The following PCDH15 variants were observed in gnomAD, a reference collection of about 807,000 sequenced individuals.
PCDH15 encodes the protein protocadherin-15.
PCDH15 carries 129 observed loss-of-function variants against 178.5 expected under a neutral mutation model. That is an observed-to-expected ratio of 0.72 (90% CI 0.63 to 0.84). The LOEUF (loss-of-function observed/expected upper bound fraction) is 0.84. PCDH15 is among the 40% of genes least tolerant of loss of function. The pLI is 0.00. For missense variants in PCDH15, 2,230 were observed against 2,099.9 expected, an observed-to-expected ratio of 1.06 and a Z score of -1.21; for synonymous variants, 800 against 732.0, an observed-to-expected ratio of 1.09 and a Z score of -1.50.
intron 1 of PCDH15, among the ~76,000 whole-genome samples, chr10:54,799,504 C>T (rs1168586791): frequency 6.6e-6 from 1 of 152,016 alleles, no homozygotes; most frequent in Non-Finnish European, 1.5e-5. Context: ...TTCAAAACTT[C>T]ATGCCATAAT....
At chr10:55,518,877 G>A (rs1042895260) in intron 2 of PCDH15, among the ~76,000 whole-genome samples, 3 of 151,736 alleles carry the variant, frequency 2.0e-5, no homozygotes, top group African/African-American at 2.4e-5. Flanking sequence ...GGCAGAATAC[G>A]AGGTCAGGAG....
chr10:54,842,481 T>C (rs1953437072), intron 3 of PCDH15, among the ~76,000 whole-genome samples: 1 of 151,880 alleles, frequency 6.6e-6, no homozygotes, highest in Non-Finnish European at 1.5e-5. Flanking sequence ...GGAAACCTTG[T>C]CATTAAATTC....
At position 54,709,793 on chromosome 10, in the gene PCDH15, TTGAA is replaced by T. The variant is rs1436213399; in HGVS notation, c.-28-45507_-28-45504del. Among the ~76,000 whole-genome samples, 3 of 148,982 alleles carry T rather than the reference TTGAA, an allele frequency of 2.0e-5. No homozygotes were observed. In the East Asian group the frequency reaches 5.9e-4, roughly 29 times the overall value. ...ATATGTATATAAAATAAGGCTTACA[TTGAA>T]TGAGTCAATAAACACAGAATGAAAG... On this transcript the variant is annotated intron_variant, in intron 1 of 37. Coordinates refer to ENST00000644397, the MANE Select transcript of PCDH15 (RefSeq NM_001384140.1).
rs529962978 is a variant in PCDH15 at position 53,823,007 on chromosome 10, C to A, written c.4368-2777G>T. The A allele has an allele frequency of 6.2e-7, 1 of 1,614,050 alleles. No homozygotes were observed. The highest frequency in any genetic ancestry group is 8.5e-7 in the Non-Finnish European group (1 of 1,179,950). Reference sequence around the variant, plus strand: ...TGGGTAAGCTGACTGACTGACTCCACAGCCTCTGAATCTTTTCTCTTGGGC... The same window carrying A: ...TGGGTAAGCTGACTGACTGACTCCAAAGCCTCTGAATCTTTTCTCTTGGGC... On this transcript the variant is annotated intron_variant, in intron 32 of 37. Coordinates refer to ENST00000644397, the MANE Select transcript of PCDH15 (RefSeq NM_001384140.1).
At chr10:54,655,298 G>GAGAGAGAGAGAC (rs1565866433) in intron 2 of PCDH15, among the ~76,000 whole-genome samples, 23 of 112,618 alleles carry the variant, frequency 2.0e-4, no homozygotes, top group Middle Eastern at 4.4e-3. Flanking sequence ...GAGAGAGAGA[G>GAGAGAGAGAGAC]AGAGACAGAG....
chr10:55,259,203 A>T (rs1842086943), intron 1 of PCDH15, among the ~76,000 whole-genome samples: 1 of 152,174 alleles, frequency 6.6e-6, no homozygotes, highest in South Asian at 2.1e-4. Context: ...AGTTCAACAC[A>T]AGAGTCTTTG....
chr10:55,554,501 G>A (rs1842053562), intron 2 of PCDH15, among the ~76,000 whole-genome samples: 1 of 151,968 alleles, frequency 6.6e-6, no homozygotes, highest in African/African-American at 2.4e-5. Flanking sequence ...CATTATTACA[G>A]TTGAACTTTC....
intron 30 of PCDH15, among the ~76,000 whole-genome samples, chr10:53,829,399 A>G (rs1391724998): frequency 6.6e-6 from 1 of 152,184 alleles, no homozygotes; most frequent in African/African-American, 2.4e-5. Flanking sequence ...AGTTTTGATC[A>G]TTGCATACTG....
intron 2 of PCDH15, among the ~76,000 whole-genome samples, chr10:54,597,594 C>A (rs1467574063): frequency 1.3e-5 from 2 of 151,524 alleles, no homozygotes; most frequent in South Asian, 2.1e-4. Context: ...AACAAACAAA[C>A]AAAAAAACCC....
At chr10:54,426,661 A>AT (rs199628309) in intron 3 of PCDH15, among the ~76,000 whole-genome samples, 1,838 of 150,786 alleles carry the variant, frequency 0.012, 57 homozygotes, top group East Asian at 0.077. Flanking sequence ...TGAAAATTAG[A>AT]TTTTTTTTTT....
intron 2 of PCDH15, among the ~76,000 whole-genome samples, chr10:54,908,074 C>A (rs1954756911): frequency 6.6e-6 from 1 of 152,204 alleles, no homozygotes; most frequent in Non-Finnish European, 1.5e-5. Flanking sequence ...CAGCTGGAAA[C>A]CTCTGTGGCC....
rs553439994 is a variant in PCDH15 at position 53,905,151 on chromosome 10, A to T, written c.3374-1781T>A. ...TATATCTTGTGTCATTTTTCTCTCA[A>T]CTCCACAGCTGCCCATATACTTAAG... On this transcript the variant is annotated intron_variant, in intron 25 of 37. Coordinates refer to ENST00000644397, the MANE Select transcript of PCDH15 (RefSeq NM_001384140.1). 3.7e-5 allele frequency: 19 copies of T among 517,200 alleles called. No homozygotes were observed. The East Asian group carries it at 1.0e-3, about 28-fold the overall frequency. The allele number at this position is 517,200 out of a possible 1,614,324, so 32.0% of individuals were successfully genotyped here.
intron 2 of PCDH15, among the ~76,000 whole-genome samples, chr10:55,346,418 T>C (rs142117814): frequency 5.7e-4 from 87 of 152,258 alleles, no homozygotes; most frequent in African/African-American, 1.9e-3. Flanking sequence ...TGATTTTCTT[T>C]GGAGGATCAG....
intron 2 of PCDH15, among the ~76,000 whole-genome samples, chr10:55,340,460 A>G (rs1198730904): frequency 6.6e-6 from 1 of 151,926 alleles, no homozygotes; most frequent in East Asian, 1.9e-4. Flanking sequence ...CTCATACTAG[A>G]CTACTCAGTG....
intron 6 of PCDH15, among the ~76,000 whole-genome samples, chr10:54,336,058 A>G (rs1828095229): frequency 6.6e-6 from 1 of 152,156 alleles, no homozygotes. Flanking sequence ...GACTGGTGGC[A>G]TTTTGTCCCT....
At chr10:54,761,439 G>T (rs10763142) in intron 1 of PCDH15, among the ~76,000 whole-genome samples, 107,933 of 151,834 alleles carry the variant, frequency 0.71, 39,054 homozygotes, top group East Asian at 0.84. Context: ...TCCAGAACTT[G>T]CGGGGGCCAA....
At position 55,051,672 on chromosome 10, in the gene PCDH15, C is replaced by T. The variant is rs1297312911; in HGVS notation, c.-80+114904G>A. Among the ~76,000 whole-genome samples, 3 of 152,132 alleles carry T rather than the reference C, an allele frequency of 2.0e-5. No individual in the cohort carries two copies. In the South Asian group the frequency reaches 6.2e-4, roughly 32 times the overall value. On this transcript the variant is annotated intron_variant, in intron 2 of 5. Coordinates refer to the PCDH15 transcript ENST00000458638. ...TGTTTATAGCATACAGAAACCGTAA[C>T]AATCACTGACCACAACCCTCATCAT...
intron 3 of PCDH15, among the ~76,000 whole-genome samples, chr10:54,442,646 ATATT>A (rs960554216): frequency 4.8e-4 from 73 of 150,578 alleles, no homozygotes; most frequent in African/African-American, 1.1e-3. Flanking sequence ...AAGAAAAGAA[ATATT>A]TATTTATTTG....
intron 2 of PCDH15, among the ~76,000 whole-genome samples, chr10:55,421,360 A>G (rs1201704269): frequency 6.6e-6 from 1 of 150,438 alleles, no homozygotes; most frequent in African/African-American, 2.4e-5. Context: ...TTTTATTTTT[A>G]ACAAAAGTAG....
Sources: gnomAD v4.1 joint callset for allele counts (sites outside exome capture counted in the v4.1 genomes callset) on GRCh38, gnomAD v4.1.1 for gene constraint, MANE v1.5 for transcripts, NCBI Gene and HGNC (gene_info 2026-07-23, HGNC 2026-07-21) for gene names.